The following ARMCX5 variants were observed in gnomAD, a reference collection of about 807,000 sequenced individuals.
ARMCX5 encodes the protein armadillo repeat containing X-linked 5.
A neutral mutation model predicts 7.5 loss-of-function variants in ARMCX5; 1 was observed. The observed-to-expected ratio is 0.13, with a 90% CI of 0.05 to 0.63. ARMCX5 has a LOEUF of 0.63. Among genes scored for constraint, ARMCX5 ranks in the 30% least tolerant of loss-of-function variants. The pLI, the probability that ARMCX5 is intolerant of heterozygous loss-of-function variation, is 0.86. For synonymous variants in ARMCX5, 149 were observed against 145.7 expected (o/e 1.02, Z -0.16); for missense variants, 346 against 402.2 (o/e 0.86, Z 1.19).
chrX:102,603,282 G>C lies in ARMCX5; in HGVS notation c.1141G>C (p.Glu381Gln). 4.1e-6 allele frequency: 5 copies of C among 1,211,299 alleles called. No individual in the cohort carries two copies. Among genetic ancestry groups the C allele is most frequent in the Non-Finnish European group, 5.6e-6 (5 of 895,329 alleles). ...GALSMVDDSS[E>Q]SSEEPKSGES... The stretch of plus-strand genomic sequence containing the variant: ...TTTAAGTATGGTGGATGACAGCTCT[G>C]AGTCTTCCGAAGAACCAAAATCAGG... The change falls in exon 4 of 4, where the codon GAG becomes CAG. Residue 381 changes from glutamate (E) to glutamine (Q), a missense_variant. By Grantham distance (29) the Glu-to-Gln change is conservative. Transcript: ENST00000473968.
In ARMCX5 at chrX:102,603,270, G is replaced by A; in HGVS notation, c.1129G>A (p.Asp377Asn). The change falls in exon 4 of 4, where the codon GAT (aspartate) becomes AAT (asparagine). Residue 377 changes from aspartate to asparagine, a missense_variant. Physicochemically the swap from Asp to Asn is conservative, Grantham distance 23. Transcript: ENST00000473968. ...KEHPGALSMV[D>N]DSSESSEEPK... ...ACACCCTGGAGCTTTAAGTATGGTG[G>A]ATGACAGCTCTGAGTCTTCCGAAGA... is the stretch of plus-strand genomic sequence containing the variant. 1.7e-6 allele frequency: 2 copies of A among 1,211,430 alleles called. No homozygotes were observed. The highest frequency in any genetic ancestry group is 2.2e-6 in the Non-Finnish European group (2 of 895,398).
Position 102,602,851 on chromosome X carries a change from G to A in ARMCX5, c.710G>A (p.Gly237Glu). ...ARYIVLVPVEGGEQSLPPEGN... is the reference protein window; with the variant it reads ...ARYIVLVPVEEGEQSLPPEGN... The stretch of plus-strand genomic sequence containing the variant: ...TATATTGTCCTAGTTCCAGTTGAAG[G>A]AGGGGAGCAATCCTTGCCTCCAGAA... The change falls in exon 4 of 4, where the codon GGA becomes GAA. Residue 237 changes from glycine to glutamate, a missense_variant. Transcript: ENST00000473968. 8.3e-7 allele frequency: 1 copy of A among 1,210,070 alleles called. No individual in the cohort carries two copies. The highest frequency in any genetic ancestry group is 1.1e-6 in the Non-Finnish European group (1 of 893,945).
At chrX:102,601,806 T>C in intron 3 of ARMCX5, 74 bp from the exon 4 acceptor site, 1 of 253,699 alleles carries the variant, frequency 3.9e-6, no homozygotes, top group Non-Finnish European at 7.0e-6. Context: ...TTCTCCTGTC[T>C]CCCTGTGCTG....
In ARMCX5 at chrX:102,602,063, A is replaced by T; in HGVS notation, c.-79A>T. 1.1e-6 allele frequency: 1 copy of T among 905,481 alleles called. No individual in the cohort carries two copies. The highest frequency in any genetic ancestry group is 1.6e-6 in the Non-Finnish European group (1 of 644,434). The allele number at this position is 905,481 out of a possible 1,213,427, so 74.6% of individuals were successfully genotyped here. On this transcript the variant is annotated 5_prime_UTR_variant, in exon 4 of 4. Transcript: ENST00000473968. ...GAGTGACTACTGGACTTTGTGTGAA[A>T]ACACCAACCGGGACAAAACTTCAGT...
At position 102,603,236 on chromosome X, in the gene ARMCX5, T is replaced by C; in HGVS notation, c.1095T>C (p.Asn365=). 2.5e-6 allele frequency: 3 copies of C among 1,211,053 alleles called. No homozygotes were observed. Among genetic ancestry groups the C allele is most frequent in the East Asian group, 3.0e-5 (1 of 33,839 alleles). The change falls in exon 4 of 4, where the codon AAT becomes AAC. Residue 365 remains asparagine (N), a synonymous_variant. Transcript: ENST00000473968. ...VMIENLVNNP[N]VKEHPGALSM... ...TTGAAAACTTGGTCAATAATCCCAA[T>C]GTTAAAGAACACCCTGGAGCTTTAA...
In ARMCX5 at chrX:102,603,304, CAGG is replaced by C; in HGVS notation, c.1164_1166del (p.Gly389del). 8.3e-7 allele frequency: 1 copy of C among 1,210,782 alleles called. No homozygotes were observed. Among genetic ancestry groups the C allele is most frequent in the Non-Finnish European group, 1.1e-6 (1 of 894,843 alleles). On this transcript the variant is annotated inframe_deletion, in exon 4 of 4. Coordinates refer to ENST00000473968, the MANE Select transcript of ARMCX5 (RefSeq NM_001168478.2). ...TCTGAGTCTTCCGAAGAACCAAAAT[CAGG>C]GGAGTCATATATACATCAAGTTTGT...
In ARMCX5 at chrX:102,602,002, A is replaced by G. The variant is rs187431863; in HGVS notation, c.-140A>G. 1.4e-4 allele frequency: 76 copies of G among 528,577 alleles called. No homozygotes were observed. The highest frequency in any genetic ancestry group is 2.4e-4 in the East Asian group (7 of 29,746). 43.6% of individuals were successfully genotyped at this position (528,577 alleles called of 1,213,427 possible). A position where few individuals can be genotyped will look rare whatever the true frequency, so the allele number is the denominator to read the frequency against. On this transcript the variant is annotated 5_prime_UTR_variant, in exon 4 of 4. Coordinates refer to ENST00000473968, the MANE Select transcript of ARMCX5 (RefSeq NM_001168478.2). ...AGTGAGCTTCCTCTGCATGTTTTCT[A>G]TATCACTGGCAGAGCCTGTAGTTGG...
Position 102,603,683 on chromosome X carries a change from G to A in ARMCX5, c.1542G>A (p.Lys514=), listed in dbSNP as rs771894712. ...QFKTKAKLFT[K]EKFTKSELIS... ...AAACAAAGGCAAAGCTATTTACCAA[G>A]GAAAAGTTCACTAAATCTGAGCTTA... Residue 514 remains lysine, a synonymous_variant, in exon 4 of 4, where the codon AAG becomes AAA. Transcript: ENST00000473968. 8.3e-7 allele frequency: 1 copy of A among 1,199,005 alleles called. No individual in the cohort carries two copies. Among genetic ancestry groups the A allele is most frequent in the Admixed American group, 2.2e-5 (1 of 45,566 alleles).
chrX:102,602,922 A>G lies in ARMCX5; in HGVS notation c.781A>G (p.Ile261Val). Residue 261 changes from isoleucine (I) to valine (V), a missense_variant, in exon 4 of 4, where the codon ATT (isoleucine) becomes GTT (valine). Transcript: ENST00000473968. Reference sequence around the variant, plus strand: ...GACCTTGATTGAAACTCCTCTGGGGATTCGACCTTTGACCAAGATCCCACC... The same window carrying G: ...GACCTTGATTGAAACTCCTCTGGGGGTTCGACCTTTGACCAAGATCCCACC... ...VETLIETPLG[I>V]RPLTKIPPYH... 1 of 1,211,528 alleles carries G rather than the reference A, an allele frequency of 8.3e-7. No individual in the cohort carries two copies. Among genetic ancestry groups the G allele is most frequent in the Non-Finnish European group, 1.1e-6 (1 of 895,416 alleles).
At position 102,603,189 on chromosome X, in the gene ARMCX5, G is replaced by C. The variant is rs2081063850; in HGVS notation, c.1048G>C (p.Asp350His). ...AYPFTQDIIH[D>H]VGITVMIENL... ...TCCATTTACTCAAGATATAATTCAT[G>C]ATGTAGGTATTACTGTTATGATTGA... The change falls in exon 4 of 4, where the codon GAT (aspartate) becomes CAT (histidine). Residue 350 changes from aspartate to histidine, a missense_variant. Transcript: ENST00000473968. 8.3e-7 allele frequency: 1 copy of C among 1,207,290 alleles called. No individual in the cohort carries two copies. Among genetic ancestry groups the C allele is most frequent in the African/African-American group, 1.8e-5 (1 of 57,121 alleles).
In ARMCX5 at chrX:102,603,434, C is replaced by T. The variant is rs1246079543; in HGVS notation, c.1293C>T (p.Thr431=). The T allele has an allele frequency of 6.6e-6, 8 of 1,207,820 alleles. No homozygotes were observed. The highest frequency in any genetic ancestry group is 9.0e-6 in the Non-Finnish European group (8 of 892,732). ...SIKFEDHYVI[T]SYIPDFLTLL... is the part of the protein sequence containing the mutation. ...AATTTGAAGATCACTATGTGATTAC[C>T]AGTTATATTCCAGATTTCCTCACCT... The change falls in exon 4 of 4, where the codon ACC becomes ACT. Residue 431 remains threonine (T), a synonymous_variant. Coordinates refer to ENST00000473968, the MANE Select transcript of ARMCX5 (RefSeq NM_001168478.2).
At position 102,603,616 on chromosome X, in the gene ARMCX5, TTAA is replaced by T; in HGVS notation, c.1478_1480del (p.Asn493del). 8.4e-7 allele frequency: 1 copy of T among 1,190,792 alleles called. No homozygotes were observed. ...AAGAATGAGTCAAAGGCCAATATTC[TTAA>T]TATTATTGAAATATTTGAGAATATA... On this transcript the variant is annotated inframe_deletion, in exon 4 of 4. Coordinates refer to ENST00000473968, the MANE Select transcript of ARMCX5 (RefSeq NM_001168478.2).
Position 102,603,777 on chromosome X carries a change from G to A in ARMCX5, c.1636G>A (p.Glu546Lys), listed in dbSNP as rs1298188206. The A allele has an allele frequency of 2.5e-6, 3 of 1,189,060 alleles. No individual in the cohort carries two copies. Among genetic ancestry groups the A allele is most frequent in the South Asian group, 1.9e-5 (1 of 52,839 alleles). The change falls in exon 4 of 4, where the codon GAA (glutamate) becomes AAA (lysine). Residue 546 changes from glutamate (E) to lysine (K), a missense_variant. Glu to Lys is a moderately conservative substitution (Grantham distance 56). This residue lies in a region of ARMCX5 where 139 missense variants were observed against 141.1 expected (regional missense o/e 0.99). Transcript: ENST00000473968. ...LQDLAEHSDP[E>K]VRDKVIRLIL... ...AGACTTAGCAGAGCACAGTGATCCC[G>A]AAGTGAGAGATAAAGTCATACGATT...
rs1490144408 is a variant in ARMCX5 at position 102,603,949 on chromosome X, A to T, written c.*131A>T. 2.2e-6 allele frequency: 1 copy of T among 464,245 alleles called. No homozygotes were observed. Among genetic ancestry groups the T allele is most frequent in the African/African-American group, 2.4e-5 (1 of 40,893 alleles). The allele number at this position is 464,245 out of a possible 1,213,427, so 38.3% of individuals were successfully genotyped here. On this transcript the variant is annotated 3_prime_UTR_variant, in exon 4 of 4. Coordinates refer to ENST00000473968, the MANE Select transcript of ARMCX5 (RefSeq NM_001168478.2). Reference sequence around the variant, plus strand: ...TGAGGGAGGCAATTTTATGGATACCAATTAATCTTGAGATCCTGAACATGT... The same window carrying T: ...TGAGGGAGGCAATTTTATGGATACCTATTAATCTTGAGATCCTGAACATGT...
Position 102,602,853 on chromosome X carries a change from G to A in ARMCX5, c.712G>A (p.Gly238Arg), listed in dbSNP as rs763326554. 26 of 1,208,075 alleles carry A rather than the reference G, an allele frequency of 2.2e-5. No homozygotes were observed. The highest frequency in any genetic ancestry group is 2.9e-5 in the Non-Finnish European group (26 of 893,622). The change falls in exon 4 of 4, where the codon GGG (glycine) becomes AGG (arginine). Residue 238 changes from glycine (G) to arginine (R), a missense_variant. Physicochemically the swap from Gly to Arg is moderately radical, Grantham distance 125 (BLOSUM62 -2). Around this residue, in one of 3 missense-constraint regions of ARMCX5, gnomAD observed 204 missense variants for 244.3 expected, o/e 0.83. Coordinates refer to ENST00000473968, the MANE Select transcript of ARMCX5 (RefSeq NM_001168478.2). ...RYIVLVPVEG[G>R]EQSLPPEGNW... is the part of the protein sequence containing the mutation. ...TATTGTCCTAGTTCCAGTTGAAGGAGGGGAGCAATCCTTGCCTCCAGAAGG... is the reference window on the plus strand; with the variant it reads ...TATTGTCCTAGTTCCAGTTGAAGGAAGGGAGCAATCCTTGCCTCCAGAAGG...
chrX:102,599,716 C>G lies in ARMCX5; in HGVS notation c.-553C>G, dbSNP rs1290440045. 1.8e-5 allele frequency: 2 copies of G among 108,631 alleles called. No individual in the cohort carries two copies. The highest frequency in any genetic ancestry group is 1.0e-4 in the Admixed American group (1 of 10,035). 9.0% of individuals were successfully genotyped at this position (108,631 alleles called of 1,213,427 possible). A position where few individuals can be genotyped will look rare whatever the true frequency, so the allele number is the denominator to read the frequency against. On this transcript the variant is annotated 5_prime_UTR_variant, in exon 1 of 4. Coordinates refer to ENST00000473968, the MANE Select transcript of ARMCX5 (RefSeq NM_001168478.2). ...TTATCTCGTCTTGAGTCCCAGGTGC[C>G]GAGTCAATCCCCATACACAGCCGCC...
chrX:102,603,930 A>G lies in ARMCX5; in HGVS notation c.*112A>G. Reference sequence around the variant, plus strand: ...TTATGTTTTCCATGTTGATTGAGGGAGGCAATTTTATGGATACCAATTAAT... The same window carrying G: ...TTATGTTTTCCATGTTGATTGAGGGGGGCAATTTTATGGATACCAATTAAT... On this transcript the variant is annotated 3_prime_UTR_variant, in exon 4 of 4. Coordinates refer to ENST00000473968, the MANE Select transcript of ARMCX5 (RefSeq NM_001168478.2). 4 of 519,749 alleles carry G rather than the reference A, an allele frequency of 7.7e-6. No homozygotes were observed. Among genetic ancestry groups the G allele is most frequent in the Middle Eastern group, 3.7e-4 (1 of 2,701 alleles). 42.8% of individuals were successfully genotyped at this position (519,749 alleles called of 1,213,427 possible).
At position 102,602,381 on chromosome X, in the gene ARMCX5, G is replaced by A. The variant is rs1383125030; in HGVS notation, c.240G>A (p.Val80=). 1 of 1,211,441 alleles carries A rather than the reference G, an allele frequency of 8.3e-7. No homozygotes were observed. ...CTGTGACAAGGGAAGTGATCAAGGT[G>A]GAAGATACAACTAAGACTAGAGTCA... ...AMAVTREVIK[V]EDTTKTRVMV... Residue 80 remains valine, a synonymous_variant, in exon 4 of 4, where the codon GTG becomes GTA. Transcript: ENST00000473968.
chrX:102,599,366 C>T (rs2080998050), upstream of ARMCX5: 1 of 111,143 alleles, frequency 9.0e-6, no homozygotes, highest in Admixed American at 9.6e-5. Flanking sequence ...TCCCTATATC[C>T]GGAATTCGTC....
Sources: gnomAD v4.1 joint callset for allele counts on GRCh38, gnomAD v4.1.1 for gene constraint, gnomAD v4.1.1 regional missense constraint, MANE v1.5 for transcripts, NCBI Gene and HGNC (gene_info 2026-07-23, HGNC 2026-07-21) for gene names.